The following LAMP5 variants were observed in gnomAD, a reference collection of about 807,000 sequenced individuals.
LAMP5 encodes the protein lysosome associated membrane protein 5, also known as lysosome-associated membrane glycoprotein 5.
In LAMP5, 36 loss-of-function variants were observed where a neutral mutation model predicts 30.2. That is an observed-to-expected ratio of 1.19 (90% CI 0.91 to 1.57). The LOEUF (loss-of-function observed/expected upper bound fraction) is 1.57, where lower values mean the gene tolerates loss of function less well. Ranked by LOEUF, LAMP5 falls within the 40% of genes most tolerant of loss-of-function variation. The pLI is 0.00. For missense variants in LAMP5, 377 were observed against 354.9 expected (o/e 1.06, Z -0.50); for synonymous variants, 149 against 134.6 (o/e 1.11, Z -0.74).
At chr20:9,515,662 G>A in intron 2 of LAMP5, 37 bp downstream of exon 2, 20 of 1,603,068 alleles carry the variant, frequency 1.2e-5, no homozygotes, top group Non-Finnish European at 1.7e-5. Flanking sequence ...TTGCTCCTAG[G>A]GCTCCAGGGC....
intron 4 of LAMP5, among the ~76,000 whole-genome samples, 178 bp from the exon 5 acceptor site, chr20:9,517,862 T>C (rs1300685454): frequency 6.6e-6 from 1 of 152,116 alleles, no homozygotes; most frequent in Non-Finnish European, 1.5e-5. Flanking sequence ...CTCAAGATAA[T>C]GGGTGTGTTT....
intron 2 of LAMP5, 111 bp downstream of exon 2, chr20:9,515,736 G>T: frequency 1.6e-6 from 2 of 1,222,888 alleles, no homozygotes; most frequent in Non-Finnish European, 1.2e-6. Flanking sequence ...CCCACACCCC[G>T]GCAGGCTGCT....
At chr20:9,526,864 A>G (rs1344337369) in intron 5 of LAMP5, among the ~76,000 whole-genome samples, 1,042 of 51,818 alleles carry the variant, frequency 0.02, 4 homozygotes, top group African/African-American at 0.093. Context: ...GTGTGTGTAT[A>G]TATATATATA....
At chr20:9,515,324 G>C (rs997493016) in intron 1 of LAMP5, 129 bp from the exon 2 acceptor site, 1 of 762,348 alleles carries the variant, frequency 1.3e-6, no homozygotes, top group Non-Finnish European at 2.1e-6. Flanking sequence ...GAAACGGCTC[G>C]TAGAGCGCAC....
In LAMP5 at chr20:9,514,856, G is replaced by A. The variant is rs780512894; in HGVS notation, c.4G>A (p.Asp2Asn). The A allele has an allele frequency of 6.8e-6, 11 of 1,614,036 alleles. No homozygotes were observed. The African/African-American group carries it at 1.2e-4, about 18-fold the overall frequency. Residue 2 changes from aspartate to asparagine, a missense_variant, in exon 1 of 6, where the codon GAT (aspartate) becomes AAT (asparagine). Transcript: ENST00000246070. ...CCTCATTCGGGGCACTGCGAGTATG[G>A]ATCTCCAAGGAAGAGGGGTCCCCAG... M[D>N]LQGRGVPSID... is the part of the protein sequence containing the mutation.
At chr20:9,528,297 GGT>G (rs61258824) in intron 5 of LAMP5, among the ~76,000 whole-genome samples, 16,680 of 139,892 alleles carry the variant, frequency 0.12, 1,355 homozygotes, top group African/African-American at 0.25. Context: ...GAAGGATATG[GGT>G]GTGTGTGTGT....
chr20:9,515,028 G>A (rs2045025227), intron 1 of LAMP5, 112 bp downstream of exon 1: 1 of 1,024,556 alleles, frequency 9.8e-7, no homozygotes, highest in Non-Finnish European at 1.5e-6. Context: ...TTAATGTTTT[G>A]CGGTGTTTTT....
chr20:9,520,590 T>TGC (rs58700969), intron 5 of LAMP5, among the ~76,000 whole-genome samples: 7,604 of 151,868 alleles, frequency 0.05, 319 homozygotes, highest in East Asian at 0.21. Context: ...TGTGTGTGTG[T>TGC]GTGTGTGTGT....
intron 5 of LAMP5, among the ~76,000 whole-genome samples, chr20:9,522,689 T>C (rs551383671): frequency 2.2e-4 from 34 of 152,292 alleles, no homozygotes; most frequent in African/African-American, 8.2e-4. Context: ...CCAAATGCCA[T>C]CTATCACTGA....
rs2232269 is a variant in LAMP5, at chr20:9,529,836, C to T, written c.*16C>T. The T allele has an allele frequency of 6.2e-7, 1 of 1,612,558 alleles. No individual in the cohort carries two copies. Among genetic ancestry groups the T allele is most frequent in the African/African-American group, 1.3e-5 (1 of 74,880 alleles). On this transcript the variant is annotated 3_prime_UTR_variant, in exon 6 of 6. Transcript: ENST00000246070. ...CATGGGCTAGAGGCCGTTAGGCAGG[C>T]ACCCCCTATTCCTGCTCCCCCAACT...
At chr20:9,526,860 G>GTGTATATATATATATA (rs1426298098) in intron 5 of LAMP5, among the ~76,000 whole-genome samples, 2 of 80,222 alleles carry the variant, frequency 2.5e-5, no homozygotes, top group South Asian at 4.3e-4. Flanking sequence ...GTGTGTGTGT[G>GTGTATATATATATATA]TATATATATA....
At chr20:9,524,845 C>G (rs2045102868) in intron 5 of LAMP5, among the ~76,000 whole-genome samples, 1 of 152,118 alleles carries the variant, frequency 6.6e-6, no homozygotes, top group Admixed American at 6.6e-5. Context: ...TAGACAAAGT[C>G]AGGTTTTGCT....
chr20:9,524,176 T>C (rs1272112786), intron 5 of LAMP5, among the ~76,000 whole-genome samples: 2 of 152,246 alleles, frequency 1.3e-5, no homozygotes, highest in Non-Finnish European at 2.9e-5. Flanking sequence ...TTGCTGTATC[T>C]GAAATTCTTT....
Position 9,514,928 on chromosome 20 carries a change from T to C in LAMP5, c.64+12T>C. On this transcript the variant is annotated intron_variant, in intron 1 of 5. Transcript: ENST00000246070. ...CCTGATGTTGTTCCGTGAGTAGCGA[T>C]TTGGCGACTGGGAGAGAGGACGGGC... 1 of 1,613,712 alleles carries C rather than the reference T, an allele frequency of 6.2e-7. No homozygotes were observed. The highest frequency in any genetic ancestry group is 1.7e-4 in the Middle Eastern group (1 of 6,060).
chr20:9,524,644 G>T (rs1248067703), intron 5 of LAMP5, among the ~76,000 whole-genome samples: 2 of 149,190 alleles, frequency 1.3e-5, no homozygotes, highest in African/African-American at 2.5e-5. Flanking sequence ...GGTGCTAGAT[G>T]GTTTTCAGAA....
intron 5 of LAMP5, among the ~76,000 whole-genome samples, chr20:9,525,530 T>C (rs923593512): frequency 1.3e-5 from 2 of 152,200 alleles, no homozygotes; most frequent in African/African-American, 4.8e-5. Context: ...TCTCACAATG[T>C]TCCATTACAT....
Position 9,518,221 on chromosome 20 carries a change from C to T in LAMP5, c.657C>T (p.Phe219=). 6.2e-7 allele frequency: 1 copy of T among 1,613,958 alleles called. No homozygotes were observed. The highest frequency in any genetic ancestry group is 1.3e-5 in the African/African-American group (1 of 75,024). The change falls in exon 5 of 6, where the codon TTC becomes TTT. Residue 219 remains phenylalanine, a synonymous_variant. Transcript: ENST00000246070. The part of the protein sequence containing the change: ...QPFDIISDFV[F]SEEHKCPVDE... Reference sequence around the variant, plus strand: ...TTGACATTATCTCAGATTTTGTCTTCAGTGAAGGTAAGTTGTTGGGGGATG... The same window carrying T: ...TTGACATTATCTCAGATTTTGTCTTTAGTGAAGGTAAGTTGTTGGGGGATG...
At chr20:9,529,295 T>C (rs1403623931) in intron 5 of LAMP5, among the ~76,000 whole-genome samples, 1 of 150,564 alleles carries the variant, frequency 6.6e-6, no homozygotes, top group East Asian at 1.9e-4. Context: ...TATGTGTACA[T>C]ATTACTTTAA....
chr20:9,516,497 T>C, intron 4 of LAMP5, 136 bp downstream of exon 4: 3 of 750,622 alleles, frequency 4.0e-6, no homozygotes, highest in Non-Finnish European at 6.7e-6. Context: ...GCTTGCTCTT[T>C]AGGGCGGAAG....
Sources: gnomAD v4.1 joint callset for allele counts (sites outside exome capture counted in the v4.1 genomes callset) on GRCh38, gnomAD v4.1.1 for gene constraint, MANE v1.5 for transcripts, NCBI Gene and HGNC (gene_info 2026-07-23, HGNC 2026-07-21) for gene names.